Variants in TJP1 observed in about 807,000 individuals in gnomAD.
The protein encoded by TJP1 is tight junction protein ZO-1.
A neutral mutation model predicts 194.2 loss-of-function variants in TJP1; 43 were observed. The observed-to-expected ratio is 0.22, with a 90% CI of 0.17 to 0.29. The LOEUF (loss-of-function observed/expected upper bound fraction) is 0.29. Among genes scored for constraint, TJP1 ranks in the 10% least tolerant of loss-of-function variants. The probability of loss-of-function intolerance (pLI) is 1.00; values close to 1 mark genes in which losing one functional copy is unlikely to be tolerated. For missense variants in TJP1, 1,971 were observed against 2,185.7 expected (o/e 0.90, Z 1.96); for synonymous variants, 801 against 779.0 (o/e 1.03, Z -0.47).
At chr15:29,948,347 A>G (rs2055356546) in intron 2 of TJP1, among the ~76,000 whole-genome samples, 1 of 151,978 alleles carries the variant, frequency 6.6e-6, no homozygotes, top group Admixed American at 6.6e-5. Context: ...TGTCCTAAAC[A>G]GTCTTACCTT....
chr15:29,892,357 C>A (rs1230659252), intron 2 of TJP1, among the ~76,000 whole-genome samples: 1 of 152,208 alleles, frequency 6.6e-6, no homozygotes, highest in African/African-American at 2.4e-5. Context: ...GGTGAGGAAG[C>A]AAGTGCTGAT....
chr15:29,812,398 T>C lies in TJP1; in HGVS notation c.27+9604A>G, dbSNP rs541459008. Among the ~76,000 whole-genome samples the C allele has an allele frequency of 3.9e-5, 6 of 152,320 alleles. No homozygotes were observed. In the East Asian group the frequency reaches 1.2e-3, roughly 29 times the overall value. ...AAGACTTAAGTCAGGGTAACTTACA[T>C]GAAAATCCGGATTTGCAACCTCTTG... On this transcript the variant is annotated intron_variant, in intron 1 of 27. Transcript: ENST00000614355.
chr15:29,956,493 G>A (rs1479645699), intron 1 of TJP1: 1 of 806,712 alleles, frequency 1.2e-6, no homozygotes, highest in Non-Finnish European at 1.7e-6. Flanking sequence ...AAAAAGCTAA[G>A]AACCACAGCA....
In TJP1 at chr15:29,718,844, A is replaced by G. The variant is rs1194890374; in HGVS notation, c.3298T>C (p.Tyr1100His). ...TTATCAAAAGGTGGCCGAGATGGGT[A>G]GGGCTGTTTGTCATCATAATATGAC... Reference protein sequence around the residue: ...QWSYYDDKQPYPSRPPFDNQH... With the variant: ...QWSYYDDKQPHPSRPPFDNQH... The change falls in exon 21 of 28, where the codon TAC becomes CAC. Residue 1100 changes from tyrosine (Y) to histidine (H), a missense_variant. Physicochemically the swap from Tyr to His is moderately conservative, Grantham distance 83. Around this residue, in one of 5 missense-constraint regions of TJP1, gnomAD observed 1,108 missense variants for 1,128.5 expected, o/e 0.98. Transcript: ENST00000614355. 6.2e-7 allele frequency: 1 copy of G among 1,614,174 alleles called. No homozygotes were observed. Among genetic ancestry groups the G allele is most frequent in the South Asian group, 1.1e-5 (1 of 91,082 alleles).
At chr15:29,832,407 G>A (rs2050864873) in intron 2 of TJP1, among the ~76,000 whole-genome samples, 2 of 152,222 alleles carry the variant, frequency 1.3e-5, no homozygotes, top group South Asian at 4.1e-4. Context: ...AAGTCTAGCT[G>A]TCTGAGCCAG....
At chr15:29,968,909 C>A (rs1181203274) in exon 1 of TJP1, 4 of 253,590 alleles carry the variant, frequency 1.6e-5, no homozygotes, top group Admixed American at 6.7e-5. Context: ...CCCGCAGCTG[C>A]GGCCGTGCGT....
chr15:29,830,156 G>C (rs555432009), intron 2 of TJP1, among the ~76,000 whole-genome samples: 2 of 151,974 alleles, frequency 1.3e-5, no homozygotes, highest in East Asian at 3.9e-4. Flanking sequence ...TCTAATGAAA[G>C]TGGCACTGTA....
At chr15:29,862,810 G>A (rs1018710597) in intron 2 of TJP1, among the ~76,000 whole-genome samples, 2 of 151,534 alleles carry the variant, frequency 1.3e-5, no homozygotes, top group African/African-American at 2.4e-5. Context: ...ACCACGCCTG[G>A]CTAATTTTTT....
At chr15:29,857,288 A>G (rs2051893386) in intron 2 of TJP1, among the ~76,000 whole-genome samples, 1 of 151,648 alleles carries the variant, frequency 6.6e-6, no homozygotes, top group Non-Finnish European at 1.5e-5. Context: ...TCTTGAATGG[A>G]TACTGTTTTT....
At chr15:29,801,324 A>C (rs2048765963) in intron 1 of TJP1, among the ~76,000 whole-genome samples, 1 of 152,196 alleles carries the variant, frequency 6.6e-6, no homozygotes, top group Non-Finnish European at 1.5e-5. Flanking sequence ...AACAAAAAAG[A>C]ACAATCTCCC....
Position 29,766,256 on chromosome 15 carries a change from C to G in TJP1, c.589+10G>C. On this transcript the variant is annotated intron_variant, in intron 5 of 27. Transcript: ENST00000614355. ...ATGTGAAAAAAACAGCAAGAGTTGG[C>G]AGAGAATACCTTCATTTTTCCGGGA... The G allele has an allele frequency of 1.9e-6, 3 of 1,603,242 alleles. No individual in the cohort carries two copies. Among genetic ancestry groups the G allele is most frequent in the Non-Finnish European group, 2.6e-6 (3 of 1,175,792 alleles).
chr15:29,758,420 T>C (rs751501504), intron 8 of TJP1, among the ~76,000 whole-genome samples: 4 of 151,952 alleles, frequency 2.6e-5, no homozygotes, highest in Admixed American at 6.6e-5. Context: ...AACACAAAAA[T>C]AGTAATTTTA....
intron 2 of TJP1, among the ~76,000 whole-genome samples, chr15:29,835,889 A>AAGAG (rs143484883): frequency 2.0e-5 from 3 of 149,524 alleles, no homozygotes; most frequent in African/African-American, 4.9e-5. Context: ...TGGACGGGGA[A>AAGAG]AGAGAGAGAG....
In TJP1 at chr15:29,701,509, A is replaced by C; in HGVS notation, c.*86T>G. 8.9e-7 allele frequency: 1 copy of C among 1,124,246 alleles called. No homozygotes were observed. The highest frequency in any genetic ancestry group is 2.5e-5 in the East Asian group (1 of 40,356). 69.6% of individuals were successfully genotyped at this position (1,124,246 alleles called of 1,614,324 possible). ...CTAACAAACTGTAGTATCAACTCTA[A>C]AAAAGGTATAATACTTGATAGAGTG... is the stretch of plus-strand genomic sequence containing the variant. On this transcript the variant is annotated 3_prime_UTR_variant, in exon 28 of 28. Transcript: ENST00000614355.
intron 2 of TJP1, among the ~76,000 whole-genome samples, chr15:29,836,358 C>T (rs1303811000): frequency 1.3e-5 from 2 of 151,938 alleles, no homozygotes; most frequent in African/African-American, 2.4e-5. Flanking sequence ...CTGCAAGCTC[C>T]GCCTCCCGGG....
At chr15:29,911,165 A>T (rs895600389) in intron 2 of TJP1, among the ~76,000 whole-genome samples, 3 of 152,240 alleles carry the variant, frequency 2.0e-5, no homozygotes, top group Non-Finnish European at 2.9e-5. Flanking sequence ...TCATGTCAGC[A>T]GTTGCCCACT....
chr15:29,752,301 C>T (rs1231116475), intron 8 of TJP1, among the ~76,000 whole-genome samples: 1 of 152,160 alleles, frequency 6.6e-6, no homozygotes, highest in Non-Finnish European at 1.5e-5. Context: ...CTGGGTTTCA[C>T]CATGTTGGCC....
chr15:29,942,237 G>GC (rs2055105464), intron 2 of TJP1, among the ~76,000 whole-genome samples: 1 of 152,152 alleles, frequency 6.6e-6, no homozygotes, highest in Non-Finnish European at 1.5e-5. Flanking sequence ...TCCCGAACTA[G>GC]CAGTTGCTAA....
intron 2 of TJP1, among the ~76,000 whole-genome samples, chr15:29,840,955 G>T (rs1224477260): frequency 6.6e-6 from 1 of 152,160 alleles, no homozygotes; most frequent in African/African-American, 2.4e-5. Context: ...TAGCACTGTA[G>T]ATGTGTGGCT....
Sources: gnomAD v4.1 joint callset for allele counts (sites outside exome capture counted in the v4.1 genomes callset) on GRCh38, gnomAD v4.1.1 for gene constraint, gnomAD v4.1.1 regional missense constraint, MANE v1.5 for transcripts, NCBI Gene and HGNC (gene_info 2026-07-23, HGNC 2026-07-21) for gene names.